The following GOSR1 variants were observed in gnomAD, a reference collection of about 807,000 sequenced individuals.
GOSR1 encodes golgi SNAP receptor complex member 1.
In GOSR1, 21 loss-of-function variants were observed where a neutral mutation model predicts 35.5. That is an observed-to-expected ratio of 0.59 (90% confidence interval 0.42 to 0.85). The LOEUF is 0.85. Ranked by LOEUF, GOSR1 falls within the 40% of genes least tolerant of loss-of-function variation. The pLI, the probability that GOSR1 is intolerant of heterozygous loss-of-function variation, is 0.00. For missense variants in GOSR1, 285 were observed against 309.6 expected (o/e 0.92, Z 0.60); for synonymous variants, 94 against 106.6 (o/e 0.88, Z 0.73).
At chr17:30,517,516 A>C (rs1041821658) in intron 7 of GOSR1, among the ~76,000 whole-genome samples, 1 of 152,012 alleles carries the variant, frequency 6.6e-6, no homozygotes, top group Non-Finnish European at 1.5e-5. Context: ...ATACTAACTC[A>C]TCCTTTTTAA....
Position 30,488,723 on chromosome 17 carries a change from A to T in GOSR1, c.343-1403A>T, listed in dbSNP as rs1220940915. 3.3e-5 allele frequency among the ~76,000 whole-genome samples: 5 copies of T among 151,760 alleles called. No homozygotes were observed. The East Asian group carries it at 7.8e-4, about 24-fold the overall frequency. On this transcript the variant is annotated intron_variant, in intron 4 of 8. Transcript: ENST00000451249. Reference sequence around the variant, plus strand: ...CGGCTAAGTTTTGTGTTTTTAGTAGAGACGGGGTTTCGCCATGTTGGCCAA... The same window carrying T: ...CGGCTAAGTTTTGTGTTTTTAGTAGTGACGGGGTTTCGCCATGTTGGCCAA...
At chr17:30,519,742 A>G in intron 7 of GOSR1, 197 bp from the exon 8 acceptor site, 1 of 494,204 alleles carries the variant, frequency 2.0e-6, no homozygotes, top group Non-Finnish European at 3.6e-6. Flanking sequence ...ATAAAAAGAT[A>G]TCAGAGAACA....
intron 1 of GOSR1, chr17:30,480,736 TAG>T (rs1555612673): frequency 4.1e-4 from 62 of 151,544 alleles, no homozygotes; most frequent in South Asian, 6.2e-4. Flanking sequence ...TTTTGAGACA[TAG>T]TTTTGTTCTT....
At chr17:30,477,658 G>C in intron 1 of GOSR1, 194 bp downstream of exon 1, 1 of 985,230 alleles carries the variant, frequency 1.0e-6, no homozygotes, top group African/African-American at 1.7e-5. Context: ...GGCCTGGCCG[G>C]GGCGTGTGAG....
intron 1 of GOSR1, 48 bp from the exon 2 acceptor site, chr17:30,481,095 G>T (rs191220450): frequency 2.4e-6 from 3 of 1,240,782 alleles, no homozygotes; most frequent in Non-Finnish European, 3.6e-6. Flanking sequence ...TGTGATTTTT[G>T]TGTCTACTTT....
intron 6 of GOSR1, among the ~76,000 whole-genome samples, chr17:30,503,838 G>T (rs1294292331): frequency 1.3e-5 from 2 of 152,180 alleles, no homozygotes; most frequent in Non-Finnish European, 2.9e-5. Context: ...GTAAGTTAAA[G>T]ATCCCTTCTG....
chr17:30,488,650 C>G (rs1030802079), intron 4 of GOSR1, among the ~76,000 whole-genome samples: 1 of 151,436 alleles, frequency 6.6e-6, no homozygotes, highest in African/African-American at 2.4e-5. Flanking sequence ...TCTCCTGCCT[C>G]AAACTCCTGA....
At chr17:30,504,506 G>A (rs549289183) in intron 6 of GOSR1, among the ~76,000 whole-genome samples, 7 of 152,236 alleles carry the variant, frequency 4.6e-5, no homozygotes, top group Admixed American at 4.6e-4. Context: ...CCAATTTTGT[G>A]CAAAAAGTGG....
chr17:30,512,138 G>T (rs1967638797), intron 7 of GOSR1, among the ~76,000 whole-genome samples: 1 of 152,098 alleles, frequency 6.6e-6, no homozygotes, highest in Non-Finnish European at 1.5e-5. Flanking sequence ...TGCCTGTGCT[G>T]TTTATTAGAT....
At chr17:30,497,047 T>C (rs1355719752) in intron 6 of GOSR1, among the ~76,000 whole-genome samples, 1 of 152,184 alleles carries the variant, frequency 6.6e-6, no homozygotes, top group Admixed American at 6.5e-5. Context: ...TCCTAATTTG[T>C]TGGTTTCCTA....
At chr17:30,501,566 G>A (rs866626288) in intron 6 of GOSR1, among the ~76,000 whole-genome samples, 5 of 151,510 alleles carry the variant, frequency 3.3e-5, no homozygotes, top group East Asian at 3.9e-4. Context: ...GCGCGATCTC[G>A]GCTCACTGCA....
At chr17:30,505,285 A>G (rs1244676599) in intron 6 of GOSR1, among the ~76,000 whole-genome samples, 1 of 152,180 alleles carries the variant, frequency 6.6e-6, no homozygotes, top group Non-Finnish European at 1.5e-5. Flanking sequence ...CTGTGATTCC[A>G]GTTACTTGGG....
chr17:30,491,379 C>T (rs976605755), intron 5 of GOSR1, among the ~76,000 whole-genome samples: 4 of 152,198 alleles, frequency 2.6e-5, no homozygotes, highest in African/African-American at 9.7e-5. Flanking sequence ...AAAAGACCGG[C>T]CAGGCGTGGT....
intron 7 of GOSR1, among the ~76,000 whole-genome samples, chr17:30,517,161 G>A (rs1355413946): frequency 2.0e-5 from 3 of 151,884 alleles, no homozygotes; most frequent in Middle Eastern, 6.8e-3. Context: ...CACTCAGGTG[G>A]GATTTTTCTA....
intron 6 of GOSR1, among the ~76,000 whole-genome samples, chr17:30,503,462 A>G (rs1967287249): frequency 6.6e-6 from 1 of 152,228 alleles, no homozygotes; most frequent in Admixed American, 6.5e-5. Context: ...ATTATCAAGT[A>G]CTTGCTTAAA....
chr17:30,479,167 A>G (rs1028476971), intron 1 of GOSR1: 7 of 152,216 alleles, frequency 4.6e-5, no homozygotes, highest in South Asian at 4.1e-4. Flanking sequence ...TATGTTAACT[A>G]CGCTTTCTAT....
At chr17:30,513,464 T>C (rs577785595) in intron 7 of GOSR1, among the ~76,000 whole-genome samples, 1 of 152,292 alleles carries the variant, frequency 6.6e-6, no homozygotes, top group East Asian at 1.9e-4. Context: ...CTCTGAGTCA[T>C]GAAATGAGAT....
At chr17:30,518,227 A>C (rs549679526) in intron 7 of GOSR1, among the ~76,000 whole-genome samples, 1 of 152,258 alleles carries the variant, frequency 6.6e-6, no homozygotes, top group East Asian at 1.9e-4. Flanking sequence ...CCCTGCTGTC[A>C]GTTCCCTGGT....
Position 30,505,771 on chromosome 17 carries a change from C to T in GOSR1, c.510-5109C>T, listed in dbSNP as rs149759485. On this transcript the variant is annotated intron_variant, in intron 6 of 8. Coordinates refer to ENST00000451249, the MANE Select transcript of GOSR1 (RefSeq NM_001007025.2). ...AGACAGGGTCTTTCTCAGTTGCCCCCAGGCTGGAGTGCAGTGGCATGATCC... is the reference window on the plus strand; with the variant it reads ...AGACAGGGTCTTTCTCAGTTGCCCCTAGGCTGGAGTGCAGTGGCATGATCC... Among the ~76,000 whole-genome samples the T allele has an allele frequency of 4.5e-3, 679 of 152,248 alleles. 1 individual carries two copies. Among genetic ancestry groups the T allele is most frequent in the Non-Finnish European group, 8.0e-3 (542 of 68,006 alleles).
Sources: allele counts gnomAD v4.1 joint callset (sites outside exome capture counted in the v4.1 genomes callset), GRCh38; gene constraint gnomAD v4.1.1; transcripts MANE v1.5; gene names NCBI Gene and HGNC (gene_info 2026-07-23, HGNC 2026-07-21).